CROT: variants seen among roughly 807,000 people sequenced by gnomAD.
CROT encodes the protein carnitine O-octanoyltransferase.
Under a neutral mutation model 89.2 loss-of-function variants are expected in CROT, and 84 were observed. The ratio of observed to expected loss-of-function variants is 0.94; its 90% CI spans 0.79 to 1.13. The LOEUF (loss-of-function observed/expected upper bound fraction) is 1.13. Among genes scored for constraint, CROT ranks in the 50% most tolerant of loss-of-function variants. The pLI is 0.00. For synonymous variants in CROT, 212 were observed against 239.5 expected (o/e 0.89, Z 1.06); for missense variants, 711 against 727.8 (o/e 0.98, Z 0.27).
At position 87,361,750 on chromosome 7, in the gene CROT, G is replaced by T. The variant is rs769325453; in HGVS notation, c.445G>T (p.Val149Phe). 5 of 1,593,832 alleles carry T rather than the reference G, an allele frequency of 3.1e-6. No homozygotes were observed. The African/African-American group carries it at 6.8e-5, about 22-fold the overall frequency. Reference protein sequence around the residue: ...LRKEKVPVHKVGNTPLDMNQF... With the variant: ...LRKEKVPVHKFGNTPLDMNQF... ...TAGAGAAAAAGTGCCTGTTCATAAA[G>T]TTGGAAATACTCCTCTAGATATGAA... Residue 149 changes from valine (V) to phenylalanine (F), a missense_variant, in exon 6 of 18, where the codon GTT becomes TTT. Physicochemically the swap from Val to Phe is conservative, Grantham distance 50. Coordinates refer to ENST00000331536, the MANE Select transcript of CROT (RefSeq NM_021151.4).
intron 10 of CROT, 147 bp downstream of exon 10, chr7:87,377,597 C>T (rs1270054939): frequency 1.8e-6 from 1 of 571,206 alleles, no homozygotes; most frequent in Non-Finnish European, 3.1e-6. Context: ...TATGAATTCT[C>T]ATTGAAAGTA....
chr7:87,387,781 A>G (rs1807227732), intron 13 of CROT, among the ~76,000 whole-genome samples: 1 of 152,084 alleles, frequency 6.6e-6, no homozygotes, highest in Non-Finnish European at 1.5e-5. Flanking sequence ...GTAAAACCCC[A>G]TCTCTATGGA....
chr7:87,380,148 G>A (rs997383309), intron 10 of CROT, among the ~76,000 whole-genome samples: 20 of 98,450 alleles, frequency 2.0e-4, no homozygotes, highest in African/African-American at 5.0e-4. Flanking sequence ...CATATGTACT[G>A]TAAAATAAAG....
chr7:87,348,376 G>T (rs956790598), intron 2 of CROT, among the ~76,000 whole-genome samples: 1 of 152,152 alleles, frequency 6.6e-6, no homozygotes, highest in Non-Finnish European at 1.5e-5. Flanking sequence ...ATTCTGTGTA[G>T]ACCTCATACG....
At chr7:87,358,362 T>G (rs1174240368) in intron 3 of CROT, among the ~76,000 whole-genome samples, 5 of 150,574 alleles carry the variant, frequency 3.3e-5, no homozygotes, top group Admixed American at 1.3e-4. Context: ...GGCGCCTGTA[T>G]TCCCAGCTAC....
intron 13 of CROT, among the ~76,000 whole-genome samples, chr7:87,387,831 A>T (rs530249121): frequency 2.0e-5 from 3 of 152,276 alleles, no homozygotes; most frequent in African/African-American, 7.2e-5. Flanking sequence ...GCATGCCTGT[A>T]ATTCCAGCTA....
chr7:87,355,502 T>C (rs749746639), intron 3 of CROT, among the ~76,000 whole-genome samples: 6 of 152,214 alleles, frequency 3.9e-5, no homozygotes, highest in Non-Finnish European at 8.8e-5. Flanking sequence ...CTCTAAATTA[T>C]ATAAAATTAT....
intron 10 of CROT, among the ~76,000 whole-genome samples, chr7:87,379,425 G>A (rs990863400): frequency 6.6e-6 from 1 of 152,106 alleles, no homozygotes; most frequent in African/African-American, 2.4e-5. Context: ...TGTTATATAA[G>A]AGTAAGTCAA....
intron 3 of CROT, among the ~76,000 whole-genome samples, chr7:87,353,733 G>T (rs1805955543): frequency 6.6e-6 from 1 of 152,160 alleles, no homozygotes; most frequent in South Asian, 2.1e-4. Flanking sequence ...GTGAGGAAGA[G>T]GTGCCACACA....
rs1425738625 is a variant in CROT, at chr7:87,393,058, G to C, written c.1709G>C (p.Arg570Thr). Residue 570 changes from arginine (R) to threonine (T), a missense_variant, in exon 17 of 18, where the codon AGA becomes ACA. Physicochemically the swap from Arg to Thr is moderately conservative, Grantham distance 71. Coordinates refer to ENST00000331536, the MANE Select transcript of CROT (RefSeq NM_021151.4). Reference sequence around the variant, plus strand: ...GGTTATGGATTTTTCTACCATATCAGAGATGACAGGTGAGGCTTCTCTTTT... The same window carrying C: ...GGTTATGGATTTTTCTACCATATCACAGATGACAGGTGAGGCTTCTCTTTT... ...HNGYGFFYHI[R>T]DDRFVVACSA... 2 of 1,613,034 alleles carry C rather than the reference G, an allele frequency of 1.2e-6. No homozygotes were observed. The highest frequency in any genetic ancestry group is 2.7e-5 in the African/African-American group (2 of 74,852).
chr7:87,354,265 A>C, intron 3 of CROT: 1 of 453,714 alleles, frequency 2.2e-6, no homozygotes, highest in Non-Finnish European at 4.4e-6. Flanking sequence ...ACAGCATAGG[A>C]ATTATACAAT....
intron 1 of CROT, among the ~76,000 whole-genome samples, chr7:87,346,107 C>CT (rs1312475514): frequency 2.6e-5 from 4 of 152,204 alleles, no homozygotes; most frequent in Non-Finnish European, 4.4e-5. Context: ...ATCCTCTACC[C>CT]TTTGAACCCG....
chr7:87,355,726 A>C (rs956456255), intron 3 of CROT, among the ~76,000 whole-genome samples: 3 of 152,104 alleles, frequency 2.0e-5, no homozygotes, highest in Non-Finnish European at 2.9e-5. Context: ...CAACTCTGAG[A>C]CTCAAATAGG....
Position 87,382,542 on chromosome 7 carries a change from C to G in CROT, c.1300C>G (p.His434Asp). The stretch of plus-strand genomic sequence containing the variant: ...GCTGGCCTATTACAGACTTCATGGA[C>G]AGTAAGGACCATTCAGTTTCTATTT... ...LQLAYYRLHG[H>D]PGCCYETAMT... Residue 434 changes from histidine to aspartate, a missense_variant and splice_region_variant, in exon 13 of 18, where the codon CAC (histidine) becomes GAC (aspartate). His to Asp is a moderately conservative substitution (Grantham distance 81). Coordinates refer to ENST00000331536, the MANE Select transcript of CROT (RefSeq NM_021151.4). 1 of 1,609,388 alleles carries G rather than the reference C, an allele frequency of 6.2e-7. No individual in the cohort carries two copies. Among genetic ancestry groups the G allele is most frequent in the Non-Finnish European group, 8.5e-7 (1 of 1,178,746 alleles).
At chr7:87,382,812 A>C (rs1807063948) in intron 13 of CROT, among the ~76,000 whole-genome samples, 1 of 152,158 alleles carries the variant, frequency 6.6e-6, no homozygotes, top group African/African-American at 2.4e-5. Flanking sequence ...TTTGGCATTC[A>C]GATCGCTTGG....
chr7:87,398,559 C>T lies in CROT; in HGVS notation c.1754C>T (p.Pro585Leu). 5 of 1,613,710 alleles carry T rather than the reference C, an allele frequency of 3.1e-6. No individual in the cohort carries two copies. The highest frequency in any genetic ancestry group is 4.2e-6 in the Non-Finnish European group (5 of 1,179,870). Reference sequence around the variant, plus strand: ...GCCTGTTCAGCCTGGAAATCCTGTCCCGAGACTGATGCGGAAAAGCTAGTT... The same window carrying T: ...GCCTGTTCAGCCTGGAAATCCTGTCTCGAGACTGATGCGGAAAAGCTAGTT... ...VVACSAWKSC[P>L]ETDAEKLVQL... The change falls in exon 18 of 18, where the codon CCC becomes CTC. Residue 585 changes from proline to leucine, a missense_variant. Pro to Leu is a moderately conservative substitution (Grantham distance 98, BLOSUM62 -3). Transcript: ENST00000331536.
chr7:87,349,082 T>G lies in CROT; in HGVS notation c.14T>G (p.Leu5Trp). ...TGTGATTTTATCATGGAAAATCAAT[T>G]GGCTAAATCAACTGAAGAACGAACA... Reference protein sequence around the residue: MENQLAKSTEERTFQ... With the variant: MENQWAKSTEERTFQ... Residue 5 changes from leucine (L) to tryptophan (W), a missense_variant, in exon 3 of 18, where the codon TTG (leucine) becomes TGG (tryptophan). Coordinates refer to ENST00000331536, the MANE Select transcript of CROT (RefSeq NM_021151.4). 1 of 1,594,944 alleles carries G rather than the reference T, an allele frequency of 6.3e-7. No individual in the cohort carries two copies. The highest frequency in any genetic ancestry group is 1.3e-5 in the African/African-American group (1 of 74,372).
intron 7 of CROT, among the ~76,000 whole-genome samples, chr7:87,373,903 G>C (rs1441839395): frequency 6.6e-6 from 1 of 152,016 alleles, no homozygotes; most frequent in African/African-American, 2.4e-5. Flanking sequence ...AATCAAGTAA[G>C]AAGATAATTT....
At chr7:87,372,231 C>A (rs1369613144) in intron 7 of CROT, among the ~76,000 whole-genome samples, 1 of 152,100 alleles carries the variant, frequency 6.6e-6, no homozygotes, top group Admixed American at 6.5e-5. Context: ...TATATAGTCT[C>A]TACATTAATC....
Sources: gnomAD v4.1 joint callset for allele counts (sites outside exome capture counted in the v4.1 genomes callset) on GRCh38, gnomAD v4.1.1 for gene constraint, MANE v1.5 for transcripts, NCBI Gene and HGNC (gene_info 2026-07-23, HGNC 2026-07-21) for gene names.